CDK5RAP2: variants seen among roughly 807,000 people sequenced by gnomAD.
CDK5RAP2 encodes the protein CDK5 regulatory subunit-associated protein 2.
A neutral mutation model predicts 232.9 loss-of-function variants in CDK5RAP2; 147 were observed. The ratio of observed to expected loss-of-function variants is 0.63; its 90% CI spans 0.55 to 0.72. The LOEUF (loss-of-function observed/expected upper bound fraction) is 0.72. CDK5RAP2 is among the 30% of genes least tolerant of loss of function. CDK5RAP2 has a pLI of 0.00. For missense variants in CDK5RAP2, 2,195 were observed against 2,231.5 expected, an observed-to-expected ratio of 0.98 and a Z score of 0.33; for synonymous variants, 833 against 833.7, an observed-to-expected ratio of 1.00 and a Z score of 0.01.
At chr9:120,536,038 T>C (rs1357061270) in intron 7 of CDK5RAP2, among the ~76,000 whole-genome samples, 1 of 152,206 alleles carries the variant, frequency 6.6e-6, no homozygotes, top group Non-Finnish European at 1.5e-5. Flanking sequence ...TCATTTGCAA[T>C]GTAAATCTTG....
intron 2 of CDK5RAP2, among the ~76,000 whole-genome samples, chr9:120,569,564 G>A (rs765686605): frequency 5.3e-5 from 8 of 152,156 alleles, no homozygotes; most frequent in African/African-American, 9.7e-5. Context: ...GTGGAAGCAC[G>A]GTCCCCTGTG....
At chr9:120,413,539 T>C (rs953470963) in intron 28 of CDK5RAP2, among the ~76,000 whole-genome samples, 1 of 152,240 alleles carries the variant, frequency 6.6e-6, no homozygotes, top group Non-Finnish European at 1.5e-5. Context: ...ATGAATGCTT[T>C]TGTAAACCTT....
In CDK5RAP2 at chr9:120,453,578, T is replaced by C. The variant is rs904125490; in HGVS notation, c.2671A>G (p.Arg891Gly). The change falls in exon 21 of 38, where the codon AGA becomes GGA. Residue 891 changes from arginine to glycine, a missense_variant. Transcript: ENST00000349780. ...ATCGGTTTCTCTTCCCAAGCCTCTC[T>C]TGTTGCTTCATGCTTGAATCTCAGC... ...DLLRFKHEAT[R>G]EAWEEKPINT... 1 of 1,614,136 alleles carries C rather than the reference T, an allele frequency of 6.2e-7. No homozygotes were observed. The highest frequency in any genetic ancestry group is 1.6e-4 in the Middle Eastern group (1 of 6,062).
chr9:120,487,216 C>G, intron 14 of CDK5RAP2, 78 bp downstream of exon 14: 1 of 1,491,990 alleles, frequency 6.7e-7, no homozygotes, highest in Non-Finnish European at 9.3e-7. Context: ...ATCTCTAGAT[C>G]AAAGGAGTTA....
chr9:120,467,178 A>G (rs373116699), intron 18 of CDK5RAP2, among the ~76,000 whole-genome samples: 5 of 152,228 alleles, frequency 3.3e-5, no homozygotes, highest in African/African-American at 1.2e-4. Flanking sequence ...ATCAAGGTGA[A>G]TAAGGCTTCT....
intron 10 of CDK5RAP2, among the ~76,000 whole-genome samples, chr9:120,527,118 T>C (rs1009451048): frequency 1.3e-5 from 2 of 152,182 alleles, no homozygotes; most frequent in Non-Finnish European, 2.9e-5. Flanking sequence ...TGTCTGTTCC[T>C]TGCATAGCTA....
At chr9:120,563,161 G>A (rs2042522424) in intron 3 of CDK5RAP2, among the ~76,000 whole-genome samples, 1 of 152,160 alleles carries the variant, frequency 6.6e-6, no homozygotes, top group South Asian at 2.1e-4. Context: ...GTTGAGGCAA[G>A]AAGGTCCAGG....
intron 27 of CDK5RAP2, among the ~76,000 whole-genome samples, chr9:120,417,930 T>C (rs2034334157): frequency 6.6e-6 from 1 of 152,130 alleles, no homozygotes; most frequent in African/African-American, 2.4e-5. Flanking sequence ...AATCTGGAAA[T>C]GACTTAAATG....
intron 7 of CDK5RAP2, among the ~76,000 whole-genome samples, chr9:120,536,041 A>G (rs7868597): frequency 0.14 from 20,668 of 152,176 alleles, 1,967 homozygotes; most frequent in East Asian, 0.29. Context: ...TTTGCAATGT[A>G]AATCTTGTCT....
chr9:120,476,862 G>A (rs1287341530), intron 15 of CDK5RAP2, among the ~76,000 whole-genome samples: 3 of 152,060 alleles, frequency 2.0e-5, no homozygotes, highest in Non-Finnish European at 4.4e-5. Context: ...ACACCTTGCT[G>A]GCAGCAACTC....
At chr9:120,469,876 G>A (rs763451900) in intron 17 of CDK5RAP2, among the ~76,000 whole-genome samples, 34 of 152,166 alleles carry the variant, frequency 2.2e-4, no homozygotes, top group Non-Finnish European at 3.8e-4. Flanking sequence ...AGGGGCCAGA[G>A]AGCTTTTCCT....
At chr9:120,448,535 G>A (rs1465219614) in intron 21 of CDK5RAP2, among the ~76,000 whole-genome samples, 2 of 152,100 alleles carry the variant, frequency 1.3e-5, no homozygotes, top group Non-Finnish European at 2.9e-5. Flanking sequence ...CCTTACTTTG[G>A]TGGCTACTAA....
At chr9:120,560,949 T>TAC (rs1401996992) in intron 3 of CDK5RAP2, among the ~76,000 whole-genome samples, 1 of 151,232 alleles carries the variant, frequency 6.6e-6, no homozygotes, top group African/African-American at 2.4e-5. Context: ...GGTATGTGTA[T>TAC]ACACACACAC....
chr9:120,445,359 CCT>C (rs539919180), intron 22 of CDK5RAP2, among the ~76,000 whole-genome samples: 21 of 152,296 alleles, frequency 1.4e-4, no homozygotes, highest in Middle Eastern at 3.4e-3. Flanking sequence ...TCCATGGTCC[CCT>C]GATTCACTGA....
chr9:120,479,381 G>A (rs1166379138), intron 14 of CDK5RAP2, among the ~76,000 whole-genome samples: 1 of 152,054 alleles, frequency 6.6e-6, no homozygotes, highest in Non-Finnish European at 1.5e-5. Context: ...AAGTCAAGAT[G>A]TTTACATAGA....
chr9:120,576,473 G>C (rs953771977), intron 1 of CDK5RAP2, among the ~76,000 whole-genome samples: 1 of 152,122 alleles, frequency 6.6e-6, no homozygotes, highest in South Asian at 2.1e-4. Context: ...AGGCCAAGGC[G>C]GGCAGATCAC....
At chr9:120,532,225 T>C (rs1018597191) in intron 7 of CDK5RAP2, among the ~76,000 whole-genome samples, 7 of 152,152 alleles carry the variant, frequency 4.6e-5, no homozygotes, top group Admixed American at 1.3e-4. Context: ...ATTTTTTACA[T>C]ACTGGCAACT....
intron 36 of CDK5RAP2, chr9:120,390,212 C>T (rs1769538486): frequency 1.1e-5 from 2 of 189,514 alleles, no homozygotes; most frequent in Non-Finnish European, 2.3e-5. Flanking sequence ...TGGGAAGCAG[C>T]TGTGGGAAGG....
At position 120,403,990 on chromosome 9, in the gene CDK5RAP2, T is replaced by G; in HGVS notation, c.5041+46A>C. On this transcript the variant is annotated intron_variant, in intron 33 of 37. Transcript: ENST00000349780. This position sits in a 1 kb window ranked among gnomAD's most constrained non-coding sequence, Gnocchi z 4.2. ...TTTTCTGCAAGTTAAAAAGTCTTAC[T>G]GTCACATCCAATGCTCCCACAGTTA... The G allele has an allele frequency of 7.7e-7, 1 of 1,297,430 alleles. No homozygotes were observed. Among genetic ancestry groups the G allele is most frequent in the Non-Finnish European group, 1.1e-6 (1 of 891,088 alleles). The allele number at this position is 1,297,430 out of a possible 1,614,324, so 80.4% of individuals were successfully genotyped here. A position where few individuals can be genotyped will look rare whatever the true frequency, so the allele number is the denominator to read the frequency against.
Sources: gnomAD v4.1 joint callset for allele counts (sites outside exome capture counted in the v4.1 genomes callset) on GRCh38, gnomAD v4.1.1 for gene constraint, Gnocchi (gnomAD v3.1) non-coding constraint, MANE v1.5 for transcripts, NCBI Gene and HGNC (gene_info 2026-07-23, HGNC 2026-07-21) for gene names.